ATP13A2: variants seen among roughly 807,000 people sequenced by gnomAD.
ATP13A2 encodes the protein ATPase cation transporting 13A2, also known as polyamine-transporting ATPase 13A2.
In ATP13A2, 83 loss-of-function variants were observed where a neutral mutation model predicts 138.3. That is an observed-to-expected ratio of 0.60 (90% CI 0.50 to 0.72). The LOEUF is 0.72. Ranked by LOEUF, ATP13A2 falls within the 30% of genes least tolerant of loss-of-function variation. The probability of loss-of-function intolerance (pLI) is 0.00; values close to 1 mark genes in which losing one functional copy is unlikely to be tolerated. For synonymous variants in ATP13A2, 663 were observed against 699.0 expected (o/e 0.95, Z 0.81); for missense variants, 1,402 against 1,606.4 (o/e 0.87, Z 2.17).
At chr1:17,001,455 A>C (rs1401326618) in intron 8 of ATP13A2, among the ~76,000 whole-genome samples, 7 of 152,050 alleles carry the variant, frequency 4.6e-5, no homozygotes, top group Non-Finnish European at 8.8e-5. Flanking sequence ...AACAAAAAAC[A>C]AAAAACCACA....
At position 16,986,771 on chromosome 1, in the gene ATP13A2, C is replaced by G; in HGVS notation, c.3235+34G>C. On this transcript the variant is annotated intron_variant, in intron 27 of 28. Coordinates refer to ENST00000326735, the MANE Select transcript of ATP13A2 (RefSeq NM_022089.4). This position sits in a 1 kb window ranked among gnomAD's most constrained non-coding sequence, Gnocchi z 6.9. ...GCACCCCAGGGCTCCTCCCTCCCTC[C>G]GCCAGCATCTCCCGCCCGCGCCCGC... 6.2e-7 allele frequency: 1 copy of G among 1,601,960 alleles called. No homozygotes were observed. Among genetic ancestry groups the G allele is most frequent in the Non-Finnish European group, 8.5e-7 (1 of 1,176,038 alleles).
chr1:17,006,311 C>T (rs1396129302), intron 1 of ATP13A2, among the ~76,000 whole-genome samples: 1 of 148,346 alleles, frequency 6.7e-6, no homozygotes, highest in Non-Finnish European at 1.5e-5. Flanking sequence ...AGTGCAGTCA[C>T]TTGATCTCAG....
At position 17,004,558 on chromosome 1, in the gene ATP13A2, G is replaced by A. The variant is rs575187743; in HGVS notation, c.477+134C>T. The A allele has an allele frequency of 1.1e-5, 18 of 1,571,838 alleles. No homozygotes were observed. Among genetic ancestry groups the A allele is most frequent in the South Asian group, 2.3e-5 (2 of 88,526 alleles). On this transcript the variant is annotated intron_variant, in intron 5 of 28. Coordinates refer to ENST00000326735, the MANE Select transcript of ATP13A2 (RefSeq NM_022089.4). This position sits in a 1 kb window ranked among gnomAD's most constrained non-coding sequence, Gnocchi z 4.1. Reference sequence around the variant, plus strand: ...TGGGGAGAGGCCTGAAAGTGTAAACGTGCTCAGACAGCATCCTGGATGTTT... The same window carrying A: ...TGGGGAGAGGCCTGAAAGTGTAAACATGCTCAGACAGCATCCTGGATGTTT...
Position 17,000,245 on chromosome 1 carries a change from C to A in ATP13A2, c.907+1G>T. ...CCGCCCCCTGGGCCCTAGCTCCTCA[C>A]CTCCCCCTGGCCGGCACACGCACAC... is the stretch of plus-strand genomic sequence containing the variant. On this transcript the variant is annotated splice_donor_variant, in intron 10 of 28. Coordinates refer to ENST00000326735, the MANE Select transcript of ATP13A2 (RefSeq NM_022089.4). LOFTEE classifies it high-confidence loss of function. The A allele has an allele frequency of 6.4e-7, 1 of 1,562,448 alleles. No individual in the cohort carries two copies. The highest frequency in any genetic ancestry group is 8.7e-7 in the Non-Finnish European group (1 of 1,153,158).
At position 17,002,392 on chromosome 1, in the gene ATP13A2, G is replaced by A; in HGVS notation, c.558-19C>T. ...CAGGAGGCTGGGGGTGGGTGCGAGG[G>A]GACACGCATGGGCCATGGGGCCTGA... On this transcript the variant is annotated intron_variant, in intron 6 of 28. Transcript: ENST00000326735. 1 of 1,610,122 alleles carries A rather than the reference G, an allele frequency of 6.2e-7. No homozygotes were observed. The highest frequency in any genetic ancestry group is 8.5e-7 in the Non-Finnish European group (1 of 1,178,794).
chr1:17,001,247 G>GT (rs1261145528), intron 8 of ATP13A2, among the ~76,000 whole-genome samples: 1 of 121,578 alleles, frequency 8.2e-6, no homozygotes, highest in African/African-American at 3.4e-5. Context: ...GTGAATCCCC[G>GT]TATCTACTAA....
At chr1:16,996,811 G>T (rs2077143275) in intron 12 of ATP13A2, 2 of 700,154 alleles carry the variant, frequency 2.9e-6, no homozygotes, top group Non-Finnish European at 4.8e-6. Flanking sequence ...TCCAGATCTT[G>T]CAATGCTTGG....
At chr1:17,002,820 G>A (rs1316764274) in intron 6 of ATP13A2, among the ~76,000 whole-genome samples, 1 of 152,144 alleles carries the variant, frequency 6.6e-6, no homozygotes, top group Non-Finnish European at 1.5e-5. Context: ...CTTGCTAAGT[G>A]ATGAATGCAC....
Position 16,986,091 on chromosome 1 carries a change from G to A in ATP13A2, c.*130C>T, listed in dbSNP as rs189334432. ...GCTTCCCCAGGGTGGGGGTGGTCTC[G>A]GGGGAGGAGTGTAGACAGTCGCCAA... On this transcript the variant is annotated 3_prime_UTR_variant, in exon 29 of 29. Transcript: ENST00000326735. The surrounding 1 kb of genome is among the most constrained non-coding windows in gnomAD (Gnocchi z 6.9). 5.5e-3 allele frequency: 8,466 copies of A among 1,548,890 alleles called. 43 individuals are homozygous for A. Among genetic ancestry groups the A allele is most frequent in the Non-Finnish European group, 6.8e-3 (7,846 of 1,146,374 alleles).
chr1:16,994,597 C>T (rs916218192), intron 15 of ATP13A2, among the ~76,000 whole-genome samples: 3 of 152,102 alleles, frequency 2.0e-5, no homozygotes, highest in African/African-American at 7.2e-5. Flanking sequence ...ACTCTAACTG[C>T]CCAAGTACGC....
At position 17,005,367 on chromosome 1, in the gene ATP13A2, C is replaced by G; in HGVS notation, c.288+7G>C. ...TTCTCTAGCCCCAGGCTCAGCCTGA[C>G]TCTCACCTCTTTGTCTCTTATTTCG... On this transcript the variant is annotated splice_region_variant and intron_variant, in intron 3 of 28. Coordinates refer to ENST00000326735, the MANE Select transcript of ATP13A2 (RefSeq NM_022089.4). 1 of 1,591,520 alleles carries G rather than the reference C, an allele frequency of 6.3e-7. No individual in the cohort carries two copies. The highest frequency in any genetic ancestry group is 1.1e-5 in the South Asian group (1 of 88,734).
At position 16,989,731 on chromosome 1, in the gene ATP13A2, C is replaced by T. The variant is rs1474904373; in HGVS notation, c.2569G>A (p.Glu857Lys). The change falls in exon 23 of 29, where the codon GAG becomes AAG. Residue 857 changes from glutamate to lysine, a missense_variant. By Grantham distance (56) the Glu-to-Lys change is moderately conservative. Coordinates refer to ENST00000326735, the MANE Select transcript of ATP13A2 (RefSeq NM_022089.4). ...QGTVFARMAP[E>K]QKTELVCELQ... Reference sequence around the variant, plus strand: ...TCGCACACCAGCTCTGTCTTCTGCTCAGGGGCCATGCGGGCAAAGACAGTG... The same window carrying T: ...TCGCACACCAGCTCTGTCTTCTGCTTAGGGGCCATGCGGGCAAAGACAGTG... The T allele has an allele frequency of 1.2e-6, 2 of 1,614,092 alleles. No homozygotes were observed. The highest frequency in any genetic ancestry group is 1.7e-6 in the Non-Finnish European group (2 of 1,180,044).
chr1:17,007,803 G>A (rs1247948610), intron 1 of ATP13A2, among the ~76,000 whole-genome samples: 1 of 151,896 alleles, frequency 6.6e-6, no homozygotes, highest in African/African-American at 2.4e-5. Context: ...CGCCCGCCTC[G>A]GCCTCCCAAA....
rs942480797 is a variant in ATP13A2, at chr1:17,011,776, G to T, written c.-38C>A. On this transcript the variant is annotated 5_prime_UTR_variant, in exon 1 of 29. Transcript: ENST00000326735. This position sits in a 1 kb window ranked among gnomAD's most constrained non-coding sequence, Gnocchi z 7.3. Reference sequence around the variant, plus strand: ...CGCTCATCGCCGGCCCCGGCGCTGCGGCCCTCGGCCTGGGCCCCGGCGTGC... The same window carrying T: ...CGCTCATCGCCGGCCCCGGCGCTGCTGCCCTCGGCCTGGGCCCCGGCGTGC... 3 of 1,414,190 alleles carry T rather than the reference G, an allele frequency of 2.1e-6. No individual in the cohort carries two copies. Among genetic ancestry groups the T allele is most frequent in the East Asian group, 6.5e-5 (2 of 30,894 alleles). 87.6% of individuals were successfully genotyped at this position (1,414,190 alleles called of 1,614,324 possible). A position where few individuals can be genotyped will look rare whatever the true frequency, so the allele number is the denominator to read the frequency against.
Position 17,004,891 on chromosome 1 carries a change from C to T in ATP13A2, c.348-70G>A, listed in dbSNP as rs1013047931. ...CTGGCACCTCCCTGTGCTCACAGAG[C>T]CATCTTCCCTCCCTAGGATGGGAGG... On this transcript the variant is annotated intron_variant, in intron 4 of 28. Coordinates refer to ENST00000326735, the MANE Select transcript of ATP13A2 (RefSeq NM_022089.4). This position sits in a 1 kb window ranked among gnomAD's most constrained non-coding sequence, Gnocchi z 4.1. 63 of 1,613,080 alleles carry T rather than the reference C, an allele frequency of 3.9e-5. No homozygotes were observed. The Middle Eastern group carries it at 5.1e-4, about 13-fold the overall frequency.
intron 20 of ATP13A2, 119 bp downstream of exon 20, chr1:16,991,615 C>T: frequency 6.9e-7 from 1 of 1,447,882 alleles, no homozygotes; most frequent in Non-Finnish European, 9.7e-7. Flanking sequence ...TTAAAAAGGA[C>T]CTGGCCTGAA....
chr1:16,988,881 G>A (rs547851984), intron 23 of ATP13A2, among the ~76,000 whole-genome samples: 1 of 151,780 alleles, frequency 6.6e-6, no homozygotes, highest in South Asian at 2.1e-4. Context: ...TGATCCACCC[G>A]CCTCGGCCTC....
chr1:17,007,125 C>T (rs988230658), intron 1 of ATP13A2, among the ~76,000 whole-genome samples: 2 of 152,178 alleles, frequency 1.3e-5, no homozygotes, highest in African/African-American at 2.4e-5. Flanking sequence ...GTGATCCACC[C>T]GCCTTGCCTC....
chr1:16,998,746 G>A (rs1220960449), intron 11 of ATP13A2, among the ~76,000 whole-genome samples: 1 of 152,110 alleles, frequency 6.6e-6, no homozygotes, highest in East Asian at 1.9e-4. Flanking sequence ...AGTCAGTTAC[G>A]ATACATCCGT....
Sources: allele counts gnomAD v4.1 joint callset (sites outside exome capture counted in the v4.1 genomes callset), GRCh38; gene constraint gnomAD v4.1.1; non-coding constraint Gnocchi (gnomAD v3.1); transcripts MANE v1.5; gene names NCBI Gene and HGNC (gene_info 2026-07-23, HGNC 2026-07-21).